The following PPP1R11 variants were observed in gnomAD, a reference collection of about 807,000 sequenced individuals.
PPP1R11 encodes the protein protein phosphatase 1 regulatory inhibitor subunit 11.
Under a neutral mutation model 11.3 loss-of-function variants are expected in PPP1R11, and 10 were observed. The observed-to-expected ratio is 0.88, with a 90% CI of 0.55 to 1.50. The LOEUF (loss-of-function observed/expected upper bound fraction) is 1.50. Among genes scored for constraint, PPP1R11 ranks in the 40% most tolerant of loss-of-function variants. The pLI, the probability that PPP1R11 is intolerant of heterozygous loss-of-function variation, is 0.00. For synonymous variants in PPP1R11, 56 were observed against 62.3 expected, an observed-to-expected ratio of 0.90 and a Z score of 0.48; for missense variants, 114 against 179.1, an observed-to-expected ratio of 0.64 and a Z score of 2.07.
chr6:30,061,408 A>G, the PPP1R11 span: 7 of 1,193,302 alleles, frequency 5.9e-6, no homozygotes, highest in Non-Finnish European at 7.0e-6. The surrounding 1 kb of genome is among the most constrained non-coding windows in gnomAD (Gnocchi z 5.0). Flanking sequence ...CGTGCGTGGC[A>G]GGAGGGTTCG....
intron 1 of PPP1R11, 95 bp from the exon 2 acceptor site, chr6:30,068,495 G>C (rs1040836893): frequency 2.1e-5 from 20 of 967,618 alleles, no homozygotes; most frequent in Non-Finnish European, 2.9e-5. Context: ...GGTACTGATT[G>C]AGCTAAAGAA....
At chr6:30,062,080 T>G, upstream of PPP1R11, 5 of 1,527,394 alleles carry the variant, frequency 3.3e-6, no homozygotes, top group Non-Finnish European at 4.5e-6. Context: ...GAGGAGTGAT[T>G]GCAAAGCTCT....
upstream of PPP1R11, among the ~76,000 whole-genome samples, chr6:30,065,707 G>T (rs190955786): frequency 2.3e-3 from 354 of 151,922 alleles, 4 homozygotes; most frequent in Non-Finnish European, 1.1e-3. This position sits in a 1 kb window ranked among gnomAD's most constrained non-coding sequence, Gnocchi z 5.3. Flanking sequence ...TAGAAAGAAA[G>T]AAAAAAGTAA....
chr6:30,062,689 C>CACAG (rs1376200829), upstream of PPP1R11, among the ~76,000 whole-genome samples: 2 of 142,782 alleles, frequency 1.4e-5, no homozygotes, highest in African/African-American at 5.3e-5. Flanking sequence ...TAGCTGGGAC[C>CACAG]ACAGACACAT....
the PPP1R11 span, chr6:30,061,684 C>T: frequency 7.2e-5 from 116 of 1,612,544 alleles, no homozygotes; most frequent in Non-Finnish European, 7.6e-6. The surrounding 1 kb of genome is among the most constrained non-coding windows in gnomAD (Gnocchi z 5.0). Context: ...GAGGCTTGTA[C>T]GCAGGGGTCC....
the PPP1R11 span, chr6:30,061,533 C>G: frequency 8.7e-6 from 14 of 1,612,966 alleles, no homozygotes; most frequent in African/African-American, 1.7e-4. This position sits in a 1 kb window ranked among gnomAD's most constrained non-coding sequence, Gnocchi z 5.0. Context: ...GCATGTCTGT[C>G]ATGGACCTCG....
intron 2 of PPP1R11, 65 bp downstream of exon 2, chr6:30,068,763 C>T (rs1332767720): frequency 3.6e-6 from 5 of 1,372,180 alleles, no homozygotes; most frequent in Non-Finnish European, 5.1e-6. Context: ...CTTGTATCTA[C>T]TCATATCCAC....
chr6:30,068,813 C>CT, intron 2 of PPP1R11, 115 bp downstream of exon 2: 1 of 981,122 alleles, frequency 1.0e-6, no homozygotes, highest in Non-Finnish European at 1.5e-6. Context: ...AGTTCTGTCA[C>CT]TTTTTTGGTG....
Position 30,069,046 on chromosome 6 carries a change from A to G in PPP1R11, c.179-58A>G. ...TTCACTGAGTTTGAGTGGGAATGGA[A>G]CTGACTATATATCTTACCCTTCCTC... On this transcript the variant is annotated intron_variant, in intron 2 of 2. Coordinates refer to ENST00000376772, the MANE Select transcript of PPP1R11 (RefSeq NM_021959.3). The surrounding 1 kb of genome is among the most constrained non-coding windows in gnomAD (Gnocchi z 6.6). The G allele has an allele frequency of 6.7e-7, 1 of 1,482,184 alleles. No homozygotes were observed. Among genetic ancestry groups the G allele is most frequent in the Non-Finnish European group, 9.4e-7 (1 of 1,066,204 alleles). 91.8% of individuals were successfully genotyped at this position (1,482,184 alleles called of 1,614,324 possible).
chr6:30,068,331 A>G (rs142937663), intron 1 of PPP1R11: 13 of 340,426 alleles, frequency 3.8e-5, no homozygotes, highest in African/African-American at 2.5e-4. Context: ...TTTCCTTTGA[A>G]GAGTTGCTGG....
chr6:30,069,378 C>T lies in PPP1R11; in HGVS notation c.*72C>T. On this transcript the variant is annotated 3_prime_UTR_variant, in exon 3 of 3. Coordinates refer to ENST00000376772, the MANE Select transcript of PPP1R11 (RefSeq NM_021959.3). The surrounding 1 kb of genome is among the most constrained non-coding windows in gnomAD (Gnocchi z 6.6). ...ATCCATGTGGCTACTTCTCCAGCCC[C>T]CTCCTTCCCTCTCTTCTGCCTGATA... 1 of 1,162,798 alleles carries T rather than the reference C, an allele frequency of 8.6e-7. No individual in the cohort carries two copies. The highest frequency in any genetic ancestry group is 1.2e-6 in the Non-Finnish European group (1 of 826,694). The allele number at this position is 1,162,798 out of a possible 1,614,324, so 72.0% of individuals were successfully genotyped here.
Position 30,068,573 on chromosome 6 carries a change from C to T in PPP1R11, c.70-17C>T, listed in dbSNP as rs755109539. ...TAAGAGGGGACTAGATAGGTATGCT[C>T]ATCCTTAACCTTCTAGGAGAACCGG... On this transcript the variant is annotated splice_polypyrimidine_tract_variant and intron_variant, in intron 1 of 2. Transcript: ENST00000376772. 2.5e-6 allele frequency: 4 copies of T among 1,603,474 alleles called. No individual in the cohort carries two copies. The highest frequency in any genetic ancestry group is 3.4e-6 in the Non-Finnish European group (4 of 1,173,200).
upstream of PPP1R11, chr6:30,062,484 A>G (rs1765163192): frequency 4.4e-6 from 2 of 451,676 alleles, no homozygotes; most frequent in South Asian, 9.0e-5. Context: ...GTTGTTTTTT[A>G]TTTTTTTAAG....
Position 30,067,321 on chromosome 6 carries a change from C to T in PPP1R11, c.-90C>T. ...AGGATCCTGGCTACCACTCTGAATCCGATACCGCTTCTCTTAGACCTCAGC... is the reference window on the plus strand; with the variant it reads ...AGGATCCTGGCTACCACTCTGAATCTGATACCGCTTCTCTTAGACCTCAGC... On this transcript the variant is annotated 5_prime_UTR_variant, in exon 1 of 3. Transcript: ENST00000376772. The T allele has an allele frequency of 7.4e-7, 1 of 1,358,734 alleles. No homozygotes were observed. Among genetic ancestry groups the T allele is most frequent in the Admixed American group, 1.8e-5 (1 of 56,294 alleles). The allele number at this position is 1,358,734 out of a possible 1,614,324, so 84.2% of individuals were successfully genotyped here.
upstream of PPP1R11, chr6:30,061,874 C>G (rs1150741): frequency 0.28 from 446,701 of 1,600,542 alleles, 64,597 homozygotes; most frequent in East Asian, 0.33. The surrounding 1 kb of genome is among the most constrained non-coding windows in gnomAD (Gnocchi z 5.0). Context: ...GGTGTCAGCT[C>G]TCTCTGGTTG....
At chr6:30,068,360 A>T in intron 1 of PPP1R11, 1 of 391,186 alleles carries the variant, frequency 2.6e-6, no homozygotes, top group Middle Eastern at 6.7e-4. Flanking sequence ...CTAGGTTAGG[A>T]ATTGTGTCTT....
At chr6:30,061,505 C>G in the PPP1R11 span, 1 of 1,611,598 alleles carries the variant, frequency 6.2e-7, no homozygotes, top group Non-Finnish European at 8.5e-7. This position sits in a 1 kb window ranked among gnomAD's most constrained non-coding sequence, Gnocchi z 5.0. Flanking sequence ...ACTTCCAACT[C>G]CCTCCTCAGA....
upstream of PPP1R11, among the ~76,000 whole-genome samples, chr6:30,063,400 T>C (rs977604043): frequency 6.6e-6 from 1 of 151,936 alleles, no homozygotes; most frequent in Non-Finnish European, 1.5e-5. This position sits in a 1 kb window ranked among gnomAD's most constrained non-coding sequence, Gnocchi z 4.1. Flanking sequence ...ATTTCAAGTA[T>C]TATTATTTTT....
rs533838544 is a variant in PPP1R11 at position 30,069,632 on chromosome 6, C to T, written c.*326C>T. On this transcript the variant is annotated 3_prime_UTR_variant, in exon 3 of 3. Coordinates refer to ENST00000376772, the MANE Select transcript of PPP1R11 (RefSeq NM_021959.3). The surrounding 1 kb of genome is among the most constrained non-coding windows in gnomAD (Gnocchi z 6.6). The stretch of plus-strand genomic sequence containing the variant: ...GGCCCTGCACTCTCAACATGAGTAG[C>T]GAACACTTAAATTGGGTTTTCAACA... 2.4e-5 allele frequency: 8 copies of T among 339,668 alleles called. No individual in the cohort carries two copies. Among genetic ancestry groups the T allele is most frequent in the East Asian group, 4.6e-5 (1 of 21,858 alleles). The allele number at this position is 339,668 out of a possible 1,614,324, so 21.0% of individuals were successfully genotyped here. A position where few individuals can be genotyped will look rare whatever the true frequency, so the allele number is the denominator to read the frequency against.
Sources: allele counts gnomAD v4.1 joint callset (sites outside exome capture counted in the v4.1 genomes callset), GRCh38; gene constraint gnomAD v4.1.1; non-coding constraint Gnocchi (gnomAD v3.1); transcripts MANE v1.5; gene names NCBI Gene and HGNC (gene_info 2026-07-23, HGNC 2026-07-21).